TRPM1: variants seen among roughly 807,000 people sequenced by gnomAD.
TRPM1 encodes the protein TRPM1-203 APA Isoform, Intron 10.
In TRPM1, 113 loss-of-function variants were observed where a neutral mutation model predicts 149.4. The ratio of observed to expected loss-of-function variants is 0.76; its 90% CI spans 0.65 to 0.88. The LOEUF is 0.88. Ranked by LOEUF, TRPM1 falls within the 40% of genes least tolerant of loss-of-function variation. TRPM1 has a pLI of 0.00. For missense variants in TRPM1, 1,976 were observed against 2,038.7 expected (o/e 0.97, Z 0.59); for synonymous variants, 741 against 759.5 (o/e 0.98, Z 0.40).
exon 1 of TRPM1, chr15:31,160,945 C>A (rs1301926821): frequency 2.0e-6 from 3 of 1,535,392 alleles, no homozygotes; most frequent in Non-Finnish European, 2.6e-6. Context: ...GCGAGCCCCG[C>A]TTGAAGGAGC....
intron 1 of TRPM1, among the ~76,000 whole-genome samples, chr15:31,095,781 C>T (rs980423804): frequency 8.2e-5 from 12 of 146,544 alleles, no homozygotes; most frequent in African/African-American, 2.5e-4. Flanking sequence ...CAGTGGCTCA[C>T]ACCTGTAATC....
intron 1 of TRPM1, among the ~76,000 whole-genome samples, chr15:31,089,138 A>G (rs980643060): frequency 6.6e-6 from 1 of 152,350 alleles, no homozygotes. Context: ...TGGAAACTGA[A>G]GACAGGCTGC....
At chr15:31,061,347 C>T in intron 10 of TRPM1, 95 bp downstream of exon 10, 2 of 1,253,096 alleles carry the variant, frequency 1.6e-6, no homozygotes. Context: ...CAGGGTCTAG[C>T]ACCAGCAGAC....
upstream of TRPM1, among the ~76,000 whole-genome samples, chr15:31,105,452 TGTGTGTGTGTGTGTGTGTGTGC>T (rs1244783913): frequency 5.5e-4 from 27 of 49,174 alleles, no homozygotes; most frequent in African/African-American, 1.3e-3. Context: ...TGTGTGTGTG[TGTGTGTGTGTGTGTGTGTGTGC>T]GCGCGCGCGC....
At chr15:31,105,460 TGTGTGTGTGTGTGCGCGC>T (rs1237010991), upstream of TRPM1, among the ~76,000 whole-genome samples, 1 of 68,378 alleles carries the variant, frequency 1.5e-5, no homozygotes, top group Non-Finnish European at 3.5e-5. Context: ...TGTGTGTGTG[TGTGTGTGTGTGTGCGCGC>T]GCGCGCGCGT....
intron 18 of TRPM1, among the ~76,000 whole-genome samples, chr15:31,039,910 C>A (rs1287767848): frequency 6.6e-6 from 1 of 152,090 alleles, no homozygotes; most frequent in Non-Finnish European, 1.5e-5. Flanking sequence ...GGTTCTGATC[C>A]CATGCTGACC....
chr15:31,113,231 A>C (rs2035724769), intron 1 of TRPM1, among the ~76,000 whole-genome samples: 1 of 152,122 alleles, frequency 6.6e-6, no homozygotes, highest in African/African-American at 2.4e-5. Context: ...CTCCCAGCCA[A>C]ATCAACAAGA....
chr15:31,026,049 T>G lies in TRPM1; in HGVS notation c.3629+90A>C, dbSNP rs531020061. Reference sequence around the variant, plus strand: ...AAACAGGAGAACTCGGAGTGCATGTTTAAATGAACTCTGGCATCCCCCATA... The same window carrying G: ...AAACAGGAGAACTCGGAGTGCATGTGTAAATGAACTCTGGCATCCCCCATA... On this transcript the variant is annotated intron_variant, in intron 27 of 27. Coordinates refer to ENST00000256552, the MANE Select transcript of TRPM1 (RefSeq NM_001252024.2). The G allele has an allele frequency of 3.2e-6, 5 of 1,563,508 alleles. No homozygotes were observed. The African/African-American group carries it at 6.7e-5, about 21-fold the overall frequency.
intron 2 of TRPM1, among the ~76,000 whole-genome samples, chr15:31,078,568 C>G (rs1383713042): frequency 6.6e-6 from 1 of 152,232 alleles, no homozygotes; most frequent in Non-Finnish European, 1.5e-5. Flanking sequence ...TCGCTGGCCT[C>G]AGAGGTTGGT....
chr15:31,061,581 C>A (rs1596028317), intron 9 of TRPM1, 67 bp from the exon 10 acceptor site: 13 of 1,346,402 alleles, frequency 9.7e-6, no homozygotes, highest in Non-Finnish European at 1.3e-5. Context: ...GGTGTTGTTA[C>A]AAAATGACCA....
At chr15:31,042,365 CT>C in intron 16 of TRPM1, 122 bp from the exon 17 acceptor site, 77 of 981,920 alleles carry the variant, frequency 7.8e-5, no homozygotes, top group Middle Eastern at 3.1e-4. Context: ...TGAAGTACAT[CT>C]TACATTTCCA....
intron 3 of TRPM1, among the ~76,000 whole-genome samples, chr15:31,071,547 C>T (rs1373793528): frequency 6.6e-6 from 1 of 152,026 alleles, no homozygotes; most frequent in Non-Finnish European, 1.5e-5. Context: ...TCCCCATTCT[C>T]TCCCTCCCAC....
chr15:31,088,727 C>T (rs1051215515), intron 1 of TRPM1, among the ~76,000 whole-genome samples: 4 of 151,100 alleles, frequency 2.6e-5, no homozygotes, highest in East Asian at 3.9e-4. Context: ...TTGACTGAAG[C>T]GGCGGTATTC....
intron 27 of TRPM1, among the ~76,000 whole-genome samples, chr15:31,021,563 G>A (rs544806579): frequency 1.3e-5 from 2 of 152,148 alleles, no homozygotes; most frequent in East Asian, 1.9e-4. Flanking sequence ...GGGTGTGGTG[G>A]TGCACGCCTG....
intron 1 of TRPM1, among the ~76,000 whole-genome samples, chr15:31,121,008 C>A (rs1250176668): frequency 6.6e-6 from 1 of 151,922 alleles, no homozygotes; most frequent in East Asian, 1.9e-4. Flanking sequence ...GTGGGCAGAT[C>A]ACGAGGTCAG....
Position 31,067,195 on chromosome 15 carries a change from C to T in TRPM1, c.494-8G>A, listed in dbSNP as rs757371423. The T allele has an allele frequency of 2.2e-5, 36 of 1,614,010 alleles. 1 individual carries two copies. The highest frequency in any genetic ancestry group is 4.2e-6 in the Non-Finnish European group (5 of 1,180,022). ...CTACGTGGCTGATAACACCTGTGAG[C>T]AGCCATTGGTCATATTTTAGGCTCT... On this transcript the variant is annotated splice_polypyrimidine_tract_variant and splice_region_variant and intron_variant, in intron 5 of 27. Transcript: ENST00000256552.
At chr15:31,141,722 C>T (rs1297320462) in intron 1 of TRPM1, among the ~76,000 whole-genome samples, 2 of 152,054 alleles carry the variant, frequency 1.3e-5, no homozygotes, top group East Asian at 3.8e-4. Context: ...TTTAGGACAA[C>T]AAGGTTTAAG....
At chr15:31,026,888 C>T (rs993097033) in intron 26 of TRPM1, 27 bp downstream of exon 26, 1 of 1,609,862 alleles carries the variant, frequency 6.2e-7, no homozygotes, top group African/African-American at 1.3e-5. Context: ...ATCAGCCCAA[C>T]TTAGAAATGA....
chr15:31,062,537 C>A (rs776045364), intron 9 of TRPM1, 42 bp downstream of exon 9: 2 of 1,612,324 alleles, frequency 1.2e-6, no homozygotes, highest in Non-Finnish European at 1.7e-6. Context: ...AAACATAATT[C>A]TCTCCACAGA....
Sources: allele counts gnomAD v4.1 joint callset (sites outside exome capture counted in the v4.1 genomes callset), GRCh38; gene constraint gnomAD v4.1.1; transcripts MANE v1.5; gene names NCBI Gene and HGNC (gene_info 2026-07-23, HGNC 2026-07-21).